SCIMP: variants seen among roughly 807,000 people sequenced by gnomAD.
The protein encoded by SCIMP is SLP adaptor and CSK interacting membrane protein, also known as SLP adapter and CSK-interacting membrane protein.
In SCIMP, 18 loss-of-function variants were observed where a neutral mutation model predicts 22.0. That is an observed-to-expected ratio of 0.82 (90% CI 0.56 to 1.21). The LOEUF (loss-of-function observed/expected upper bound fraction) is 1.21. Ranked by LOEUF, SCIMP falls within the 50% of genes most tolerant of loss-of-function variation. The probability of loss-of-function intolerance (pLI) is 0.00; values close to 1 mark genes in which losing one functional copy is unlikely to be tolerated. For missense variants in SCIMP, 155 were observed against 171.2 expected (o/e 0.91, Z 0.53); for synonymous variants, 53 against 62.2 (o/e 0.85, Z 0.70).
intron 4 of SCIMP, among the ~76,000 whole-genome samples, chr17:5,212,488 G>A (rs770668840): frequency 1.3e-5 from 2 of 152,156 alleles, no homozygotes; most frequent in African/African-American, 4.8e-5. Context: ...CAAAAAATTA[G>A]CCAGGCATGG....
chr17:5,211,273 G>A (rs1032087246), intron 4 of SCIMP, among the ~76,000 whole-genome samples: 1 of 152,188 alleles, frequency 6.6e-6, no homozygotes, highest in Non-Finnish European at 1.5e-5. Flanking sequence ...TGTAGTCCCA[G>A]TACTCTGGGA....
rs1359228497 is a variant in SCIMP at position 5,234,546 on chromosome 17, C to A, written c.21+189G>T. On this transcript the variant is annotated intron_variant, in intron 1 of 4. Transcript: ENST00000574081. The stretch of plus-strand genomic sequence containing the variant: ...TGCCTCAGGTCACTCAGCCAGTTAC[C>A]AGTAGAGCAGATCCTTCAATGCAAG... 6.4e-6 allele frequency: 4 copies of A among 629,246 alleles called. No individual in the cohort carries two copies. In the Admixed American group the frequency reaches 1.0e-4, roughly 16 times the overall value. 39.0% of individuals were successfully genotyped at this position (629,246 alleles called of 1,614,324 possible).
At chr17:5,230,765 AAAAAC>A (rs746736451) in intron 1 of SCIMP, among the ~76,000 whole-genome samples, 28 of 152,118 alleles carry the variant, frequency 1.8e-4, no homozygotes, top group Non-Finnish European at 2.8e-4. Context: ...TACTGAAAAT[AAAAAC>A]AAAACAAAAC....
In SCIMP at chr17:5,209,217, C is replaced by G. The variant is rs903610515; in HGVS notation, c.*1584G>C. 2 of 152,224 alleles carry G rather than the reference C, an allele frequency of 1.3e-5. No homozygotes were observed. The highest frequency in any genetic ancestry group is 2.9e-5 in the Non-Finnish European group (2 of 68,094). 9.4% of individuals were successfully genotyped at this position (152,224 alleles called of 1,614,324 possible). A position where few individuals can be genotyped will look rare whatever the true frequency, so the allele number is the denominator to read the frequency against. On this transcript the variant is annotated 3_prime_UTR_variant, in exon 5 of 5. Transcript: ENST00000574081. Reference sequence around the variant, plus strand: ...TGGCATGTTCTCGGCTCACCGCAACCTCCGCCTCCCAGTTTCAAGCGATTC... The same window carrying G: ...TGGCATGTTCTCGGCTCACCGCAACGTCCGCCTCCCAGTTTCAAGCGATTC...
intron 1 of SCIMP, among the ~76,000 whole-genome samples, chr17:5,232,351 T>A (rs1198138693): frequency 6.6e-6 from 1 of 151,570 alleles, no homozygotes; most frequent in African/African-American, 2.4e-5. Context: ...GGGTGGAATA[T>A]AAACAGTGCA....
intron 1 of SCIMP, among the ~76,000 whole-genome samples, chr17:5,229,016 G>A (rs989206968): frequency 1.3e-5 from 2 of 152,084 alleles, no homozygotes; most frequent in African/African-American, 4.8e-5. Context: ...CTGGACACGC[G>A]ACCCTGGGCA....
At chr17:5,221,591 T>A (rs1339459746) in intron 2 of SCIMP, among the ~76,000 whole-genome samples, 1 of 152,120 alleles carries the variant, frequency 6.6e-6, no homozygotes, top group East Asian at 1.9e-4. Flanking sequence ...GCTGAATGAA[T>A]AATCAAAAGT....
intron 3 of SCIMP, among the ~76,000 whole-genome samples, chr17:5,215,477 G>A (rs553497019): frequency 6.6e-6 from 1 of 152,284 alleles, no homozygotes; most frequent in South Asian, 2.1e-4. Context: ...AGCTGGGCAT[G>A]ATGATGCTCA....
chr17:5,229,100 T>C (rs2144343587), intron 1 of SCIMP, among the ~76,000 whole-genome samples: 1 of 152,302 alleles, frequency 6.6e-6, no homozygotes, highest in East Asian at 1.9e-4. Flanking sequence ...AATCCAATGC[T>C]GGGGAGGTGG....
intron 4 of SCIMP, 29 bp downstream of exon 4, chr17:5,214,896 T>C: frequency 8.9e-7 from 1 of 1,123,218 alleles, no homozygotes. Context: ...TTACCCTAAA[T>C]GAAACTGCTA....
chr17:5,227,003 C>T (rs143507967), intron 1 of SCIMP, among the ~76,000 whole-genome samples: 1 of 152,114 alleles, frequency 6.6e-6, no homozygotes, highest in Non-Finnish European at 1.5e-5. Context: ...AGGGAGTACA[C>T]AATGGCTGCA....
At chr17:5,223,481 T>G in intron 1 of SCIMP, 25 bp from the exon 2 acceptor site, 1 of 1,612,354 alleles carries the variant, frequency 6.2e-7, no homozygotes, top group Non-Finnish European at 8.5e-7. Flanking sequence ...GAGAGAAGAA[T>G]GAGGTATGAA....
chr17:5,224,233 C>G (rs1188647359), intron 1 of SCIMP, among the ~76,000 whole-genome samples: 1 of 150,392 alleles, frequency 6.6e-6, no homozygotes, highest in Non-Finnish European at 1.5e-5. Context: ...TTCCTGGGTT[C>G]ACATCATTCT....
intron 1 of SCIMP, chr17:5,233,897 G>C (rs1252558163): frequency 6.6e-6 from 1 of 152,256 alleles, no homozygotes; most frequent in Non-Finnish European, 1.5e-5. Context: ...CTCTGGAAGG[G>C]AAGGTGCCTA....
At chr17:5,232,129 T>G (rs1257750440) in intron 1 of SCIMP, among the ~76,000 whole-genome samples, 1 of 151,710 alleles carries the variant, frequency 6.6e-6, no homozygotes, top group East Asian at 1.9e-4. Flanking sequence ...CCTCATTTGG[T>G]ATCAAGAGGA....
chr17:5,214,982 A>T lies in SCIMP; in HGVS notation c.226T>A (p.Ser76Thr). 2 of 1,610,006 alleles carry T rather than the reference A, an allele frequency of 1.2e-6. No homozygotes were observed. The highest frequency in any genetic ancestry group is 1.1e-5 in the South Asian group (1 of 90,990). Residue 76 changes from serine (S) to threonine (T), a missense_variant, in exon 4 of 5, where the codon TCG becomes ACG. Ser to Thr is a moderately conservative substitution (Grantham distance 58, BLOSUM62 1). Coordinates refer to ENST00000574081, the MANE Select transcript of SCIMP (RefSeq NM_207103.3). ...EKMYENVLNESPVQLPPLPPR... is the reference protein window; with the variant it reads ...EKMYENVLNETPVQLPPLPPR... ...GGCAGAGGCGGTAATTGAACTGGCG[A>T]CTCATTAAGAACATTCCTAGAGAGA...
intron 1 of SCIMP, among the ~76,000 whole-genome samples, chr17:5,226,316 GGGTTTCAA>G (rs991241315): frequency 1.3e-5 from 2 of 152,060 alleles, no homozygotes; most frequent in Non-Finnish European, 2.9e-5. Context: ...ACTATTGCTT[GGGTTTCAA>G]GGTCAAGGAA....
intron 1 of SCIMP, among the ~76,000 whole-genome samples, chr17:5,225,012 G>T (rs1410972507): frequency 1.3e-5 from 2 of 152,146 alleles, no homozygotes; most frequent in Admixed American, 6.6e-5. Context: ...CAGAGTGAGA[G>T]GTCAAGAAGA....
intron 1 of SCIMP, among the ~76,000 whole-genome samples, chr17:5,229,419 A>G (rs1278259066): frequency 2.9e-5 from 3 of 104,938 alleles, no homozygotes; most frequent in Admixed American, 1.4e-4. Context: ...TTTGAGACAG[A>G]GTCTTGCTCT....
Sources: gnomAD v4.1 joint callset for allele counts (sites outside exome capture counted in the v4.1 genomes callset) on GRCh38, gnomAD v4.1.1 for gene constraint, MANE v1.5 for transcripts, NCBI Gene and HGNC (gene_info 2026-07-23, HGNC 2026-07-21) for gene names.